The following TNKS2 variants were observed in gnomAD, a reference collection of about 807,000 sequenced individuals.
The protein encoded by TNKS2 is poly [ADP-ribose] polymerase tankyrase-2.
Under a neutral mutation model 137.6 loss-of-function variants are expected in TNKS2, and 72 were observed. That is an observed-to-expected ratio of 0.52 (90% CI 0.43 to 0.64). The LOEUF is 0.64. TNKS2 is among the 30% of genes least tolerant of loss of function. The pLI, the probability that TNKS2 is intolerant of heterozygous loss-of-function variation, is 0.00. For missense variants in TNKS2, 1,049 were observed against 1,410.2 expected, an observed-to-expected ratio of 0.74 and a Z score of 4.10; for synonymous variants, 516 against 512.1, an observed-to-expected ratio of 1.01 and a Z score of -0.10.
intron 9 of TNKS2, among the ~76,000 whole-genome samples, chr10:91,830,269 G>T (rs1845199909): frequency 6.6e-6 from 1 of 152,148 alleles, no homozygotes; most frequent in Admixed American, 6.5e-5. Context: ...CCACGCTAGA[G>T]TGCAGTGGCA....
chr10:91,817,829 C>T (rs745415187), intron 3 of TNKS2, among the ~76,000 whole-genome samples: 1 of 152,178 alleles, frequency 6.6e-6, no homozygotes, highest in Non-Finnish European at 1.5e-5. Context: ...ACAAGCTTTC[C>T]TGAGTTGTAT....
In TNKS2 at chr10:91,822,277, C is replaced by G; in HGVS notation, c.729-19C>G. On this transcript the variant is annotated intron_variant, in intron 6 of 26. Coordinates refer to ENST00000371627, the MANE Select transcript of TNKS2 (RefSeq NM_025235.4). ...GAAATCTATACTGAAACAGGATTTT[C>G]CCCCCCTTCTCATTGTAGTGATCTG... The G allele has an allele frequency of 4.4e-6, 7 of 1,589,900 alleles. No homozygotes were observed. The highest frequency in any genetic ancestry group is 4.3e-6 in the Non-Finnish European group (5 of 1,165,046).
intron 13 of TNKS2, among the ~76,000 whole-genome samples, chr10:91,838,580 C>T (rs964141427): frequency 6.6e-6 from 1 of 152,126 alleles, no homozygotes; most frequent in Non-Finnish European, 1.5e-5. Flanking sequence ...GTGATAACTA[C>T]CAAACCAAGC....
chr10:91,854,523 G>T (rs1211856117), intron 21 of TNKS2, among the ~76,000 whole-genome samples: 3 of 152,150 alleles, frequency 2.0e-5, no homozygotes, highest in Admixed American at 6.6e-5. Context: ...GTAACATTAG[G>T]GGAAAGTGGG....
rs1328645705 is a variant in TNKS2, at chr10:91,798,849, C to T, written c.159C>T (p.Asp53=). 3.7e-6 allele frequency: 5 copies of T among 1,356,782 alleles called. No individual in the cohort carries two copies. The South Asian group carries it at 9.4e-5, about 26-fold the overall frequency. The allele number at this position is 1,356,782 out of a possible 1,614,324, so 84.0% of individuals were successfully genotyped here. A position where few individuals can be genotyped will look rare whatever the true frequency, so the allele number is the denominator to read the frequency against. Residue 53 remains aspartate, a synonymous_variant, in exon 1 of 27, where the codon GAC becomes GAT. Coordinates refer to ENST00000371627, the MANE Select transcript of TNKS2 (RefSeq NM_025235.4). ...CGCCTGAGAAGGTGAACAGCCGCGA[C>T]ACGGCGGGCAGGAAATCCACCCCGC... is the stretch of plus-strand genomic sequence containing the variant. The part of the protein sequence containing the change: ...LVTPEKVNSR[D]TAGRKSTPLH...
chr10:91,826,408 T>A (rs1845072423), intron 7 of TNKS2, among the ~76,000 whole-genome samples: 1 of 152,206 alleles, frequency 6.6e-6, no homozygotes, highest in African/African-American at 2.4e-5. Context: ...GATATATGTA[T>A]ACTGTGAAAT....
intron 1 of TNKS2, among the ~76,000 whole-genome samples, chr10:91,799,182 C>T (rs766830712): frequency 7.9e-5 from 12 of 152,010 alleles, no homozygotes; most frequent in Non-Finnish European, 1.2e-4. Flanking sequence ...TACCAACTTC[C>T]GGTCTTGTTA....
intron 13 of TNKS2, among the ~76,000 whole-genome samples, chr10:91,837,887 C>A (rs1842078250): frequency 6.6e-6 from 1 of 152,026 alleles, no homozygotes; most frequent in South Asian, 2.1e-4. Context: ...TATTCTCATT[C>A]CCTTAAGTAG....
intron 1 of TNKS2, 77 bp downstream of exon 1, chr10:91,798,966 G>A: frequency 6.3e-6 from 8 of 1,272,876 alleles, no homozygotes; most frequent in Non-Finnish European, 8.0e-6. Context: ...TGAAACCAGT[G>A]CTCCTCCGCC....
At chr10:91,859,822 G>A (rs528936922) in intron 25 of TNKS2, among the ~76,000 whole-genome samples, 174 bp downstream of exon 25, 11 of 152,238 alleles carry the variant, frequency 7.2e-5, no homozygotes, top group African/African-American at 2.4e-4. Context: ...TAAATGATCC[G>A]TATGGGCCAA....
Position 91,833,946 on chromosome 10 carries a change from T to G in TNKS2, c.1369T>G (p.Cys457Gly), listed in dbSNP as rs1841906803. 6.2e-7 allele frequency: 1 copy of G among 1,613,776 alleles called. No individual in the cohort carries two copies. The highest frequency in any genetic ancestry group is 1.7e-5 in the Admixed American group (1 of 59,956). The change falls in exon 12 of 27, where the codon TGT becomes GGT. Residue 457 changes from cysteine to glycine, a missense_variant. Physicochemically the swap from Cys to Gly is radical, Grantham distance 159 (BLOSUM62 -3). Transcript: ENST00000371627. ...QTCRLLLSYG[C>G]DPNIISLQGF... is the part of the protein sequence containing the mutation. Reference sequence around the variant, plus strand: ...CTGCCGCCTACTCCTGAGCTATGGGTGTGATCCTAACATTATATCCCTTCA... The same window carrying G: ...CTGCCGCCTACTCCTGAGCTATGGGGGTGATCCTAACATTATATCCCTTCA...
chr10:91,826,972 T>C lies in TNKS2; in HGVS notation c.796-45T>C, dbSNP rs573420632. 2.1e-6 allele frequency: 3 copies of C among 1,426,630 alleles called. No homozygotes were observed. In the African/African-American group the frequency reaches 4.3e-5, roughly 20 times the overall value. The allele number at this position is 1,426,630 out of a possible 1,614,324, so 88.4% of individuals were successfully genotyped here. A position where few individuals can be genotyped will look rare whatever the true frequency, so the allele number is the denominator to read the frequency against. On this transcript the variant is annotated intron_variant, in intron 7 of 26. Coordinates refer to ENST00000371627, the MANE Select transcript of TNKS2 (RefSeq NM_025235.4). ...ATTACACAGTACGAATAATTCTGAA[T>C]TCTTTTAAAAATTGAACATTAAATA...
Position 91,827,114 on chromosome 10 carries a change from G to A in TNKS2, c.893G>A (p.Ser298Asn), listed in dbSNP as rs770846793. The A allele has an allele frequency of 3.7e-6, 6 of 1,612,190 alleles. No homozygotes were observed. The East Asian group carries it at 1.1e-4, about 30-fold the overall frequency. Residue 298 changes from serine to asparagine, a missense_variant, in exon 8 of 27, where the codon AGT becomes AAT. Transcript: ENST00000371627. ...GTTGAAGTATGTTCTCTTCTCTTAA[G>A]TTATGGTGCAGACCCAACACTGCTC... ...NRVEVCSLLL[S>N]YGADPTLLNC... is the part of the protein sequence containing the mutation.
Position 91,848,421 on chromosome 10 carries a change from C to A in TNKS2, c.2397C>A (p.Pro799=). Reference sequence around the variant, plus strand: ...GCGCTCTTCTGACAGCAGCCATGCCCCCATCTGCTCTGCCCTCTTGTTACA... The same window carrying A: ...GCGCTCTTCTGACAGCAGCCATGCCACCATCTGCTCTGCCCTCTTGTTACA... The part of the protein sequence containing the change: ...DVSALLTAAM[P]PSALPSCYKP... The change falls in exon 19 of 27, where the codon CCC becomes CCA. Residue 799 remains proline (P), a synonymous_variant. Coordinates refer to ENST00000371627, the MANE Select transcript of TNKS2 (RefSeq NM_025235.4). The A allele has an allele frequency of 3.1e-6, 5 of 1,614,200 alleles. No individual in the cohort carries two copies. The highest frequency in any genetic ancestry group is 4.2e-6 in the Non-Finnish European group (5 of 1,180,028).
At chr10:91,801,933 T>C (rs1003707865) in intron 1 of TNKS2, among the ~76,000 whole-genome samples, 4 of 152,198 alleles carry the variant, frequency 2.6e-5, no homozygotes, top group African/African-American at 9.7e-5. Flanking sequence ...TTCTGTGAAC[T>C]TATTTCTAAA....
At chr10:91,805,064 A>G (rs930388948) in intron 1 of TNKS2, among the ~76,000 whole-genome samples, 13 of 151,450 alleles carry the variant, frequency 8.6e-5, no homozygotes, top group African/African-American at 3.2e-4. Flanking sequence ...GTGCCCAGCC[A>G]GGAAGTATCT....
intron 1 of TNKS2, among the ~76,000 whole-genome samples, chr10:91,800,464 T>C (rs1844129237): frequency 6.6e-6 from 1 of 152,202 alleles, no homozygotes; most frequent in African/African-American, 2.4e-5. Flanking sequence ...TATCTGAAAA[T>C]AGTAATATTT....
intron 26 of TNKS2, 32 bp downstream of exon 26, chr10:91,862,187 A>T (rs774791024): frequency 4.8e-5 from 72 of 1,513,360 alleles, no homozygotes; most frequent in Non-Finnish European, 6.2e-5. Flanking sequence ...ATCTTCAAAA[A>T]TGCTAGGGAG....
chr10:91,857,531 G>GT lies in TNKS2; in HGVS notation c.3094+2dup, dbSNP rs1211266097. Reference sequence around the variant, plus strand: ...GCCAATGAACGAATGCTATTTCATGGTAAGATTCCTCCCCACCAACTCTAC... The same window carrying GT: ...GCCAATGAACGAATGCTATTTCATGGTTAAGATTCCTCCCCACCAACTCTAC... On this transcript the variant is annotated splice_donor_variant, in intron 24 of 26. Transcript: ENST00000371627. LOFTEE classifies it high-confidence loss of function. The GT allele has an allele frequency of 6.2e-7, 1 of 1,602,772 alleles. No individual in the cohort carries two copies. Among genetic ancestry groups the GT allele is most frequent in the Admixed American group, 1.7e-5 (1 of 59,656 alleles).
Sources: allele counts gnomAD v4.1 joint callset (sites outside exome capture counted in the v4.1 genomes callset), GRCh38; gene constraint gnomAD v4.1.1; transcripts MANE v1.5; gene names NCBI Gene and HGNC (gene_info 2026-07-23, HGNC 2026-07-21).